Variants in ATL3 observed in about 807,000 individuals in gnomAD.
ATL3 encodes atlastin-3.
In ATL3, 49 loss-of-function variants were observed where a neutral mutation model predicts 69.5. That is an observed-to-expected ratio of 0.71 (90% CI 0.56 to 0.89). The LOEUF is 0.89. Among genes scored for constraint, ATL3 ranks in the 40% least tolerant of loss-of-function variants. ATL3 has a pLI of 0.00. For synonymous variants in ATL3, 214 were observed against 224.1 expected (o/e 0.95, Z 0.40); for missense variants, 606 against 645.7 (o/e 0.94, Z 0.67).
chr11:63,643,631 C>A (rs117828457), intron 7 of ATL3, 136 bp from the exon 8 acceptor site: 3 of 717,094 alleles, frequency 4.2e-6, no homozygotes, highest in Admixed American at 3.3e-5. Flanking sequence ...AAACTCAGAA[C>A]CCTAAGAAGC....
chr11:63,651,332 G>A (rs1311624184), intron 5 of ATL3, among the ~76,000 whole-genome samples: 2 of 151,692 alleles, frequency 1.3e-5, no homozygotes, highest in Non-Finnish European at 2.9e-5. Flanking sequence ...GCGCACACCT[G>A]TAATCCCAGC....
intron 1 of ATL3, among the ~76,000 whole-genome samples, chr11:63,668,165 T>C (rs1400477173): frequency 1.3e-5 from 2 of 152,214 alleles, no homozygotes; most frequent in African/African-American, 4.8e-5. Context: ...CCAGTCTCCT[T>C]ATAAAATATC....
At chr11:63,665,117 G>A (rs529660018) in intron 1 of ATL3, among the ~76,000 whole-genome samples, 70 of 152,292 alleles carry the variant, frequency 4.6e-4, no homozygotes, top group Middle Eastern at 3.4e-3. Context: ...AGGCCAAGGT[G>A]GGTGGATCAC....
chr11:63,641,222 G>C (rs1939691427), intron 8 of ATL3, among the ~76,000 whole-genome samples: 1 of 152,096 alleles, frequency 6.6e-6, no homozygotes, highest in Non-Finnish European at 1.5e-5. Context: ...ATAATTATGA[G>C]ACTAAAGATT....
intron 1 of ATL3, among the ~76,000 whole-genome samples, 190 bp from the exon 2 acceptor site, chr11:63,659,442 C>T (rs535558706): frequency 2.0e-5 from 3 of 152,092 alleles, no homozygotes; most frequent in South Asian, 4.1e-4. Context: ...GCCTGGGAAA[C>T]GGTGAAACCC....
At chr11:63,671,690 A>T, upstream of ATL3, 1 of 1,323,246 alleles carries the variant, frequency 7.6e-7, no homozygotes, top group South Asian at 1.3e-5. Context: ...TCCCGCGCTC[A>T]CTGGGTCCCG....
chr11:63,640,342 C>T (rs749377473), intron 8 of ATL3, among the ~76,000 whole-genome samples: 3 of 152,036 alleles, frequency 2.0e-5, no homozygotes, highest in South Asian at 2.1e-4. Context: ...GGCTAGAGTG[C>T]GGTGGTGCAA....
intron 1 of ATL3, among the ~76,000 whole-genome samples, chr11:63,659,550 G>T (rs952611319): frequency 1.8e-4 from 28 of 152,036 alleles, no homozygotes; most frequent in Non-Finnish European, 2.9e-5. Context: ...TTGAGCCCAG[G>T]GGTTTGAGGT....
chr11:63,635,405 A>C, intron 10 of ATL3, 129 bp downstream of exon 10: 1 of 794,398 alleles, frequency 1.3e-6, no homozygotes, highest in Non-Finnish European at 2.0e-6. Context: ...GCTAAAAAAA[A>C]ATTAACAGAC....
intron 1 of ATL3, among the ~76,000 whole-genome samples, chr11:63,667,709 A>G (rs1357946120): frequency 4.7e-5 from 7 of 149,800 alleles, no homozygotes; most frequent in African/African-American, 1.7e-4. Flanking sequence ...GGCTGCAGTG[A>G]GCTGAGATCG....
At chr11:63,633,139 T>C (rs777532479) in intron 10 of ATL3, 42 bp from the exon 11 acceptor site, 4 of 1,506,630 alleles carry the variant, frequency 2.7e-6, no homozygotes, top group Admixed American at 1.7e-5. Flanking sequence ...CCTTCCTCTT[T>C]TAACATTCCT....
chr11:63,653,480 A>G (rs1940144082), intron 3 of ATL3, among the ~76,000 whole-genome samples: 1 of 152,036 alleles, frequency 6.6e-6, no homozygotes. Flanking sequence ...AAAAAAACCA[A>G]AACTCTTTGG....
intron 1 of ATL3, among the ~76,000 whole-genome samples, chr11:63,669,514 G>A (rs984094913): frequency 1.7e-4 from 26 of 151,578 alleles, no homozygotes; most frequent in African/African-American, 5.8e-4. Flanking sequence ...CACCCTGGGC[G>A]AGAGAGCAAG....
chr11:63,646,441 T>C, intron 6 of ATL3, 66 bp downstream of exon 6: 2 of 991,290 alleles, frequency 2.0e-6, no homozygotes, highest in Admixed American at 4.2e-5. Context: ...GCCTATGAGC[T>C]GTAGTTTGCC....
chr11:63,659,326 C>G, intron 1 of ATL3, 74 bp from the exon 2 acceptor site: 1 of 1,351,056 alleles, frequency 7.4e-7, no homozygotes, highest in Admixed American at 1.9e-5. Flanking sequence ...AAAACAAAAA[C>G]TTCTTAAACA....
rs1939059624 is a variant in ATL3, at chr11:63,625,034, T to C, written c.*4285A>G. The C allele has an allele frequency of 6.6e-6, 1 of 152,138 alleles. No individual in the cohort carries two copies. Among genetic ancestry groups the C allele is most frequent in the South Asian group, 2.1e-4 (1 of 4,824 alleles). The allele number at this position is 152,138 out of a possible 1,614,324, so 9.4% of individuals were successfully genotyped here. On this transcript the variant is annotated 3_prime_UTR_variant, in exon 13 of 13. Transcript: ENST00000398868. ...GGTACAAAGCTAGGAATCTGAACTT[T>C]TTAAACAAGCCTGCTAGGTAAGTCT... is the stretch of plus-strand genomic sequence containing the variant.
chr11:63,668,786 GTTCC>G (rs1187509641), intron 1 of ATL3, among the ~76,000 whole-genome samples: 1 of 104,372 alleles, frequency 9.6e-6, no homozygotes, highest in African/African-American at 3.5e-5. Flanking sequence ...AATTAGCTGT[GTTCC>G]TTTTTTTTTT....
Position 63,629,271 on chromosome 11 carries a change from A to C in ATL3, c.*48T>G. Reference sequence around the variant, plus strand: ...CCTGTGGCCGTGGCAGAAACCCAGAAATCAGTAGGGGCTTGTTGTGTTCTT... The same window carrying C: ...CCTGTGGCCGTGGCAGAAACCCAGACATCAGTAGGGGCTTGTTGTGTTCTT... On this transcript the variant is annotated 3_prime_UTR_variant, in exon 13 of 13. Transcript: ENST00000398868. The C allele has an allele frequency of 6.6e-7, 1 of 1,522,820 alleles. No homozygotes were observed. The highest frequency in any genetic ancestry group is 9.1e-7 in the Non-Finnish European group (1 of 1,097,378). 94.3% of individuals were successfully genotyped at this position (1,522,820 alleles called of 1,614,324 possible). A position where few individuals can be genotyped will look rare whatever the true frequency, so the allele number is the denominator to read the frequency against.
chr11:63,643,406 A>T lies in ATL3; in HGVS notation c.801T>A (p.His267Gln). The T allele has an allele frequency of 6.2e-7, 1 of 1,611,094 alleles. No individual in the cohort carries two copies. The highest frequency in any genetic ancestry group is 8.5e-7 in the Non-Finnish European group (1 of 1,178,576). Residue 267 changes from histidine (H) to glutamine (Q), a missense_variant, in exon 8 of 13, where the codon CAT becomes CAA. By Grantham distance (24) the His-to-Gln change is conservative. Transcript: ENST00000398868. The stretch of plus-strand genomic sequence containing the variant: ...GGCTTGTGGCCACCTGGAGTCCTGG[A>T]TGTGGTAAGAGAAAGCAGGTGACAT... ...FSDVTCFLLP[H>Q]PGLQVATSPD...
Sources: allele counts gnomAD v4.1 joint callset (sites outside exome capture counted in the v4.1 genomes callset), GRCh38; gene constraint gnomAD v4.1.1; transcripts MANE v1.5; gene names NCBI Gene and HGNC (gene_info 2026-07-23, HGNC 2026-07-21).